Variants in ZNF18 observed in about 807,000 individuals in gnomAD.
ZNF18 encodes heart development-specific gene 1 protein.
ZNF18 carries 42 observed loss-of-function variants against 58.1 expected under a neutral mutation model. That is an observed-to-expected ratio of 0.72 (90% confidence interval 0.56 to 0.93). ZNF18 has a LOEUF of 0.93. Ranked by LOEUF, ZNF18 falls within the 40% of genes least tolerant of loss-of-function variation. The probability of loss-of-function intolerance (pLI) is 0.00; values close to 1 mark genes in which losing one functional copy is unlikely to be tolerated. For synonymous variants in ZNF18, 231 were observed against 239.8 expected (o/e 0.96, Z 0.34); for missense variants, 540 against 644.2 (o/e 0.84, Z 1.75).
chr17:12,020,979 C>G, the ZNF18 span: 1 of 1,212,532 alleles, frequency 8.2e-7, no homozygotes, highest in African/African-American at 1.6e-5. Flanking sequence ...CGCCAGGCCA[C>G]CCGGCCGTCA....
intron 4 of ZNF18, among the ~76,000 whole-genome samples, chr17:11,988,503 G>A (rs115424024): frequency 6.6e-6 from 1 of 152,108 alleles, no homozygotes; most frequent in South Asian, 2.1e-4. Context: ...GAGATCTACA[G>A]AGCGTCCCCG....
At chr17:12,007,922 A>G in the ZNF18 span, among the ~76,000 whole-genome samples, 1 of 152,174 alleles carries the variant, frequency 6.6e-6, no homozygotes, top group Non-Finnish European at 1.5e-5. Flanking sequence ...AGAGAAGATG[A>G]TTGGAATTAA....
At position 11,992,413 on chromosome 17, in the gene ZNF18, C is replaced by T. The variant is rs779549453; in HGVS notation, c.387+30G>A. On this transcript the variant is annotated intron_variant, in intron 2 of 6. Coordinates refer to ENST00000580306, the MANE Select transcript of ZNF18 (RefSeq NM_001303281.2). The stretch of plus-strand genomic sequence containing the variant: ...GGGACCAGAGAGGAGCCCTGTGTTT[C>T]ACTCGCAGATCATAATACCCTCTGC... 1.9e-6 allele frequency: 3 copies of T among 1,594,032 alleles called. No homozygotes were observed. The Admixed American group carries it at 5.1e-5, about 27-fold the overall frequency.
chr17:12,007,037 A>G, the ZNF18 span, among the ~76,000 whole-genome samples: 4 of 152,092 alleles, frequency 2.6e-5, no homozygotes, highest in South Asian at 2.1e-4. Flanking sequence ...GTTTTATTTT[A>G]TTTTGTTTTG....
At chr17:12,006,147 T>C in the ZNF18 span, among the ~76,000 whole-genome samples, 1 of 152,200 alleles carries the variant, frequency 6.6e-6, no homozygotes, top group Non-Finnish European at 1.5e-5. Context: ...TCCATGTTCA[T>C]AAATAATTGT....
the ZNF18 span, among the ~76,000 whole-genome samples, chr17:12,008,787 C>T: frequency 7.2e-5 from 11 of 152,186 alleles, no homozygotes; most frequent in African/African-American, 2.7e-4. Context: ...GTGGCCTCCA[C>T]CAGATGGTAG....
At chr17:12,006,771 A>G in the ZNF18 span, among the ~76,000 whole-genome samples, 2 of 152,126 alleles carry the variant, frequency 1.3e-5, no homozygotes, top group Non-Finnish European at 2.9e-5. Context: ...ATATTACCAT[A>G]CTGTTTTTTT....
chr17:12,021,154 C>T, the ZNF18 span, among the ~76,000 whole-genome samples: 33,948 of 151,582 alleles, frequency 0.22, 3,987 homozygotes, highest in Middle Eastern at 0.26. Context: ...CCGCCCCGCT[C>T]CCGGCCGCCT....
Position 11,977,920 on chromosome 17 carries a change from G to C in ZNF18, c.*37C>G. The stretch of plus-strand genomic sequence containing the variant: ...AGCTGAGTATTTTTGTGACTGGGCT[G>C]GGAGATAGAAATGGGGAAAGAGAGT... On this transcript the variant is annotated 3_prime_UTR_variant, in exon 7 of 7. Transcript: ENST00000580306. 1.3e-6 allele frequency: 2 copies of C among 1,529,272 alleles called. No homozygotes were observed. Among genetic ancestry groups the C allele is most frequent in the Non-Finnish European group, 1.8e-6 (2 of 1,141,244 alleles). The allele number at this position is 1,529,272 out of a possible 1,614,324, so 94.7% of individuals were successfully genotyped here.
At chr17:12,016,967 C>T in the ZNF18 span, among the ~76,000 whole-genome samples, 7 of 152,084 alleles carry the variant, frequency 4.6e-5, no homozygotes, top group Admixed American at 2.0e-4. Flanking sequence ...GAGACCAAGG[C>T]GGGTGGACCA....
intron 1 of ZNF18, chr17:11,993,496 T>A (rs1272924345): frequency 1.3e-5 from 2 of 152,012 alleles, no homozygotes; most frequent in East Asian, 3.9e-4. Flanking sequence ...AAAACAAGTA[T>A]CATACCTGAC....
chr17:12,020,655 C>CCAAG, the ZNF18 span, among the ~76,000 whole-genome samples: 692 of 152,296 alleles, frequency 4.5e-3, 12 homozygotes, highest in East Asian at 0.084. Flanking sequence ...CAGCCCTGGT[C>CCAAG]CAAGACAGCT....
Position 11,978,347 on chromosome 17 carries a change from A to T in ZNF18, c.1260T>A (p.Asn420Lys). 6.3e-7 allele frequency: 1 copy of T among 1,579,442 alleles called. No homozygotes were observed. The highest frequency in any genetic ancestry group is 8.6e-7 in the Non-Finnish European group (1 of 1,165,830). The change falls in exon 7 of 7, where the codon AAT (asparagine) becomes AAA (lysine). Residue 420 changes from asparagine (N) to lysine (K), a missense_variant. Coordinates refer to ENST00000580306, the MANE Select transcript of ZNF18 (RefSeq NM_001303281.2). ...TTCTTTGGTGAAAAATAAGCTGAGA[A>T]TTCCTATAAAAGGTCTTCCCACACT... Reference protein sequence around the residue: ...CRECGKTFYRNSQLIFHQRTH... With the variant: ...CRECGKTFYRKSQLIFHQRTH...
At chr17:11,988,715 T>C (rs1967907484) in intron 4 of ZNF18, among the ~76,000 whole-genome samples, 1 of 152,140 alleles carries the variant, frequency 6.6e-6, no homozygotes, top group Admixed American at 6.5e-5. Context: ...TCTGGTGCCA[T>C]GTAATAAACT....
intron 2 of ZNF18, among the ~76,000 whole-genome samples, chr17:11,992,087 A>G (rs1422129167): frequency 2.6e-5 from 4 of 152,238 alleles, no homozygotes; most frequent in Admixed American, 1.3e-4. Context: ...AACAGGAAGT[A>G]AAATCCTTCC....
chr17:12,013,347 T>C, the ZNF18 span, among the ~76,000 whole-genome samples: 1 of 152,272 alleles, frequency 6.6e-6, no homozygotes, highest in African/African-American at 2.4e-5. Context: ...ACTTTGCTTA[T>C]TGTGTTTTTT....
At chr17:12,015,847 A>G in the ZNF18 span, among the ~76,000 whole-genome samples, 1 of 151,902 alleles carries the variant, frequency 6.6e-6, no homozygotes, top group Non-Finnish European at 1.5e-5. Flanking sequence ...GGAGTCCAGC[A>G]GCGCGATCTC....
the ZNF18 span, among the ~76,000 whole-genome samples, chr17:12,019,275 A>G: frequency 6.8e-6 from 1 of 146,694 alleles, no homozygotes; most frequent in African/African-American, 2.5e-5. Flanking sequence ...TCTTTAATAT[A>G]TGTTATTTAT....
At chr17:12,020,068 T>C in the ZNF18 span, among the ~76,000 whole-genome samples, 23 of 152,218 alleles carry the variant, frequency 1.5e-4, no homozygotes, top group African/African-American at 5.5e-4. Context: ...TATTGTTTTT[T>C]GGGGTTGTCA....
Sources: gnomAD v4.1 joint callset for allele counts (sites outside exome capture counted in the v4.1 genomes callset) on GRCh38, gnomAD v4.1.1 for gene constraint, MANE v1.5 for transcripts, NCBI Gene and HGNC (gene_info 2026-07-23, HGNC 2026-07-21) for gene names.